Variants in GRM8 observed in about 807,000 individuals in gnomAD.
GRM8 encodes glutamate metabotropic receptor 8.
A neutral mutation model predicts 87.2 loss-of-function variants in GRM8; 47 were observed. The ratio of observed to expected loss-of-function variants is 0.54; its 90% CI spans 0.43 to 0.69. The LOEUF is 0.69. Among genes scored for constraint, GRM8 ranks in the 30% least tolerant of loss-of-function variants. The pLI is 0.00. For missense variants in GRM8, 1,019 were observed against 1,139.2 expected, an observed-to-expected ratio of 0.89 and a Z score of 1.52; for synonymous variants, 396 against 404.5, an observed-to-expected ratio of 0.98 and a Z score of 0.25.
chr7:127,241,864 A>T (rs763808176), intron 2 of GRM8, among the ~76,000 whole-genome samples: 12 of 152,238 alleles, frequency 7.9e-5, no homozygotes, highest in African/African-American at 2.9e-4. Flanking sequence ...ATTACAAAAG[A>T]CTACATATTG....
At chr7:126,531,861 C>A (rs963764102) in intron 9 of GRM8, among the ~76,000 whole-genome samples, 3 of 152,140 alleles carry the variant, frequency 2.0e-5, no homozygotes, top group African/African-American at 7.2e-5. Flanking sequence ...TCATGCAGAA[C>A]CTCCTTGGAA....
intron 7 of GRM8, among the ~76,000 whole-genome samples, chr7:126,742,946 T>G (rs1815185072): frequency 6.6e-6 from 1 of 152,046 alleles, no homozygotes; most frequent in Non-Finnish European, 1.5e-5. Flanking sequence ...ATATCTTCAT[T>G]TCCACCACTT....
chr7:126,496,410 T>G (rs1808750812), intron 9 of GRM8, among the ~76,000 whole-genome samples: 1 of 152,008 alleles, frequency 6.6e-6, no homozygotes, highest in African/African-American at 2.4e-5. Context: ...AAACTCAGTC[T>G]TCCTTATTCT....
In GRM8 at chr7:126,678,233, A is replaced by T. The variant is rs142737638; in HGVS notation, c.1358-68735T>A. Reference sequence around the variant, plus strand: ...AGGATTTACGCAGATCTAAAAAAAGACACTTCCACTCTTTACAGTTTATTT... The same window carrying T: ...AGGATTTACGCAGATCTAAAAAAAGTCACTTCCACTCTTTACAGTTTATTT... On this transcript the variant is annotated intron_variant, in intron 7 of 10. Coordinates refer to ENST00000339582, the MANE Select transcript of GRM8 (RefSeq NM_000845.3). Among the ~76,000 whole-genome samples the T allele has an allele frequency of 3.4e-3, 520 of 152,336 alleles. 7 individuals are homozygous for T. Among genetic ancestry groups the T allele is most frequent in the African/African-American group, 0.012 (497 of 41,574 alleles).
intron 2 of GRM8, among the ~76,000 whole-genome samples, chr7:127,115,724 G>C (rs1450279552): frequency 6.6e-6 from 1 of 151,930 alleles, no homozygotes; most frequent in Non-Finnish European, 1.5e-5. Flanking sequence ...GAAAAGAATT[G>C]TTCTAATCCA....
At chr7:127,212,958 A>G (rs963613511) in intron 2 of GRM8, among the ~76,000 whole-genome samples, 3 of 152,206 alleles carry the variant, frequency 2.0e-5, no homozygotes, top group African/African-American at 7.2e-5. Context: ...TAAATTCAAC[A>G]GATAGATTTC....
chr7:127,063,009 T>C (rs188471947), intron 3 of GRM8, among the ~76,000 whole-genome samples: 1 of 152,094 alleles, frequency 6.6e-6, no homozygotes, highest in Admixed American at 6.5e-5. Context: ...TCCCAGCACT[T>C]TGGGAGGCTG....
intron 3 of GRM8, among the ~76,000 whole-genome samples, chr7:127,051,075 A>C (rs954588003): frequency 2.6e-5 from 4 of 152,206 alleles, no homozygotes; most frequent in African/African-American, 9.6e-5. Flanking sequence ...ATTATAATAC[A>C]ATATTTGCAA....
At chr7:126,740,631 T>A (rs10244839) in intron 7 of GRM8, among the ~76,000 whole-genome samples, 3,241 of 152,230 alleles carry the variant, frequency 0.021, 125 homozygotes, top group African/African-American at 0.074. Context: ...TTTATATTGT[T>A]TACCTCAGTT....
intron 6 of GRM8, among the ~76,000 whole-genome samples, chr7:126,857,878 G>T (rs1007039352): frequency 5.9e-5 from 9 of 152,126 alleles, no homozygotes; most frequent in Non-Finnish European, 2.9e-5. Context: ...GAGCCCAGAA[G>T]TTCAAGGCTG....
At chr7:126,480,933 A>G (rs1484365401) in intron 9 of GRM8, among the ~76,000 whole-genome samples, 1 of 152,064 alleles carries the variant, frequency 6.6e-6, no homozygotes, top group Non-Finnish European at 1.5e-5. Context: ...GGGAAAATAC[A>G]AGATGAACCT....
chr7:126,881,236 C>A (rs1799994172), intron 6 of GRM8, among the ~76,000 whole-genome samples: 4 of 152,002 alleles, frequency 2.6e-5, no homozygotes, highest in Admixed American at 2.6e-4. Context: ...GCAGGGCACC[C>A]AAAGGATAGC....
chr7:126,507,911 A>G (rs1810730837), intron 9 of GRM8, among the ~76,000 whole-genome samples: 2 of 151,614 alleles, frequency 1.3e-5, no homozygotes, highest in African/African-American at 2.4e-5. Context: ...TATTAGTCCA[A>G]TCATCTCTGG....
At chr7:126,481,788 T>C (rs10954116) in intron 9 of GRM8, among the ~76,000 whole-genome samples, 46,834 of 151,888 alleles carry the variant, frequency 0.31, 8,060 homozygotes, top group Non-Finnish European at 0.37. Flanking sequence ...ATAAAGTTGG[T>C]AGTTTTCTTA....
chr7:127,182,632 G>GGTGTGTGTGTGTGTGTGT (rs35530710), intron 2 of GRM8, among the ~76,000 whole-genome samples: 3 of 141,720 alleles, frequency 2.1e-5, no homozygotes, highest in Non-Finnish European at 4.6e-5. Flanking sequence ...AAGAAAGTGT[G>GGTGTGTGTGTGTGTGTGT]GTGTGTGTGT....
chr7:127,080,711 C>T (rs1277279600), intron 3 of GRM8: 1 of 152,036 alleles, frequency 6.6e-6, no homozygotes, highest in Non-Finnish European at 1.5e-5. Context: ...ATAGATGTCA[C>T]CATTTACTTG....
intron 7 of GRM8, among the ~76,000 whole-genome samples, chr7:126,765,137 T>C (rs1406384245): frequency 1.3e-5 from 2 of 151,878 alleles, no homozygotes; most frequent in Non-Finnish European, 2.9e-5. Context: ...AAAAAGTTAG[T>C]TTTAACAAGT....
At chr7:126,446,027 A>T (rs1469205766) in intron 10 of GRM8, 99 bp downstream of exon 10, 1 of 1,403,186 alleles carries the variant, frequency 7.1e-7, no homozygotes, top group Non-Finnish European at 1.0e-6. Flanking sequence ...CCCTGGAAAC[A>T]TGTAGCACAA....
intron 6 of GRM8, among the ~76,000 whole-genome samples, chr7:126,855,994 GGA>G (rs2130771114): frequency 6.6e-6 from 1 of 152,250 alleles, no homozygotes; most frequent in African/African-American, 2.4e-5. Context: ...TTGTGAGAAT[GGA>G]GAGTCTTTCC....
Sources: gnomAD v4.1 joint callset for allele counts (sites outside exome capture counted in the v4.1 genomes callset) on GRCh38, gnomAD v4.1.1 for gene constraint, MANE v1.5 for transcripts, NCBI Gene and HGNC (gene_info 2026-07-23, HGNC 2026-07-21) for gene names.